SHROOM3: variants seen among roughly 807,000 people sequenced by gnomAD.
SHROOM3 encodes protein Shroom3.
Under a neutral mutation model 138.6 loss-of-function variants are expected in SHROOM3, and 47 were observed. The ratio of observed to expected loss-of-function variants is 0.34; its 90% confidence interval spans 0.27 to 0.43. The LOEUF (loss-of-function observed/expected upper bound fraction) is 0.43. SHROOM3 is among the 20% of genes least tolerant of loss of function. The pLI, the probability that SHROOM3 is intolerant of heterozygous loss-of-function variation, is 1.00. For missense variants in SHROOM3, 2,491 were observed against 2,596.5 expected (o/e 0.96, Z 0.88); for synonymous variants, 1,062 against 1,063.3 (o/e 1.00, Z 0.02).
intron 1 of SHROOM3, among the ~76,000 whole-genome samples, chr4:76,536,781 G>C (rs943797520): frequency 2.6e-5 from 4 of 152,104 alleles, no homozygotes; most frequent in African/African-American, 9.7e-5. Context: ...CTGATTTTCT[G>C]TGTATCTGAT....
At chr4:76,581,764 G>A (rs1469049090) in intron 2 of SHROOM3, among the ~76,000 whole-genome samples, 1 of 152,170 alleles carries the variant, frequency 6.6e-6, no homozygotes, top group Non-Finnish European at 1.5e-5. Context: ...TTCTATCTAG[G>A]CTCACTGCCC....
chr4:76,608,564 GCATAGCA>G, intron 2 of SHROOM3, among the ~76,000 whole-genome samples: 1 of 147,768 alleles, frequency 6.8e-6, no homozygotes, highest in Non-Finnish European at 1.5e-5. Context: ...GCATAGCATA[GCATAGCA>G]TAGCATAGCA....
At chr4:76,492,905 A>T (rs188477168) in intron 1 of SHROOM3, among the ~76,000 whole-genome samples, 7 of 152,170 alleles carry the variant, frequency 4.6e-5, no homozygotes, top group Non-Finnish European at 1.5e-5. Flanking sequence ...TGATCGTGGG[A>T]TTCTGGGTGG....
At chr4:76,475,784 AAC>A (rs1227040604) in intron 1 of SHROOM3, among the ~76,000 whole-genome samples, 1 of 152,242 alleles carries the variant, frequency 6.6e-6, no homozygotes, top group African/African-American at 2.4e-5. Flanking sequence ...CAATTTTCTC[AAC>A]ACAGTTCTTC....
At chr4:76,615,225 T>C (rs1734847469) in intron 2 of SHROOM3, among the ~76,000 whole-genome samples, 1 of 152,224 alleles carries the variant, frequency 6.6e-6, no homozygotes, top group Non-Finnish European at 1.5e-5. Context: ...CTTTGCTTAC[T>C]ACATATTGTC....
Position 76,626,046 on chromosome 4 carries a change from T to G in SHROOM3, c.323+70283T>G, listed in dbSNP as rs1273494290. On this transcript the variant is annotated intron_variant, in intron 2 of 10. Coordinates refer to ENST00000296043, the MANE Select transcript of SHROOM3 (RefSeq NM_020859.4). ...GGAGGGAAGAGAGCAGAGGGCAGAA[T>G]GTGCTCTGTGGTGTTTTATAACTCT... Among the ~76,000 whole-genome samples, 5 of 152,250 alleles carry G rather than the reference T, an allele frequency of 3.3e-5. 1 individual carries two copies. The highest frequency in any genetic ancestry group is 3.3e-4 in the Admixed American group (5 of 15,282).
chr4:76,756,405 TTC>T (rs11383066), intron 7 of SHROOM3, 42 bp from the exon 8 acceptor site: 485 of 1,479,882 alleles, frequency 3.3e-4, no homozygotes, highest in Non-Finnish European at 4.1e-4. Context: ...CACTCTCTCT[TTC>T]TCTCTCTCTC....
At chr4:76,451,077 G>T (rs1229099527) in intron 1 of SHROOM3, among the ~76,000 whole-genome samples, 1 of 151,980 alleles carries the variant, frequency 6.6e-6, no homozygotes, top group African/African-American at 2.4e-5. Flanking sequence ...AGCCTCCTGA[G>T]TAGCTGGGAT....
At chr4:76,726,130 C>T (rs755716486) in intron 3 of SHROOM3, among the ~76,000 whole-genome samples, 68 of 152,216 alleles carry the variant, frequency 4.5e-4, no homozygotes, top group Non-Finnish European at 5.7e-4. Context: ...CATCTACCCT[C>T]ATCACACTAA....
chr4:76,598,607 G>T lies in SHROOM3; in HGVS notation c.323+42844G>T, dbSNP rs577920968. Among the ~76,000 whole-genome samples, 3 of 152,340 alleles carry T rather than the reference G, an allele frequency of 2.0e-5. No individual in the cohort carries two copies. The South Asian group carries it at 6.2e-4, about 32-fold the overall frequency. ...GAGATGGGGTAGAGGTGGCCAGGAA[G>T]TGGGGAGCAGGGGCTAAAATTCAGC... On this transcript the variant is annotated intron_variant, in intron 2 of 10. Transcript: ENST00000296043.
At chr4:76,576,145 G>C (rs986608683) in intron 2 of SHROOM3, among the ~76,000 whole-genome samples, 1 of 152,096 alleles carries the variant, frequency 6.6e-6, no homozygotes, top group African/African-American at 2.4e-5. Context: ...TCCCACTATG[G>C]GGTATATACC....
chr4:76,527,105 A>C (rs1233320798), intron 1 of SHROOM3, among the ~76,000 whole-genome samples: 1 of 152,178 alleles, frequency 6.6e-6, no homozygotes, highest in East Asian at 1.9e-4. Context: ...TGAAGGAAGA[A>C]AGAAGGGGGC....
At chr4:76,459,412 T>C (rs535618684) in intron 1 of SHROOM3, among the ~76,000 whole-genome samples, 47 of 152,210 alleles carry the variant, frequency 3.1e-4, no homozygotes, top group Non-Finnish European at 5.3e-4. Context: ...CCTCTTGTCA[T>C]AGTCTGAAGA....
At chr4:76,704,402 A>G (rs1339654596) in intron 2 of SHROOM3, among the ~76,000 whole-genome samples, 1 of 152,258 alleles carries the variant, frequency 6.6e-6, no homozygotes, top group Non-Finnish European at 1.5e-5. Flanking sequence ...TAAGTGCAGT[A>G]AAGGGAAAGA....
intron 1 of SHROOM3, among the ~76,000 whole-genome samples, chr4:76,545,322 T>C (rs1733190763): frequency 6.6e-6 from 1 of 152,212 alleles, no homozygotes; most frequent in Admixed American, 6.5e-5. Context: ...GCTTGATGTT[T>C]ATCCTACCCT....
At chr4:76,543,278 G>A (rs995044561) in intron 1 of SHROOM3, among the ~76,000 whole-genome samples, 3 of 152,152 alleles carry the variant, frequency 2.0e-5, no homozygotes, top group Non-Finnish European at 4.4e-5. Flanking sequence ...TCACTGAACT[G>A]AGTCTTGAAA....
At chr4:76,613,016 C>G (rs1734795641) in intron 2 of SHROOM3, among the ~76,000 whole-genome samples, 1 of 152,156 alleles carries the variant, frequency 6.6e-6, no homozygotes, top group Non-Finnish European at 1.5e-5. Context: ...ATCAGTCTAT[C>G]CCAGCATCTT....
At chr4:76,457,759 G>A (rs1731058328) in intron 1 of SHROOM3, among the ~76,000 whole-genome samples, 1 of 151,254 alleles carries the variant, frequency 6.6e-6, no homozygotes, top group Admixed American at 6.6e-5. Flanking sequence ...CAAAGTGCTA[G>A]GATAACAGGC....
intron 1 of SHROOM3, among the ~76,000 whole-genome samples, chr4:76,499,700 G>A (rs531992869): frequency 6.6e-6 from 1 of 152,292 alleles, no homozygotes; most frequent in East Asian, 1.9e-4. Context: ...GTCTCTGGGT[G>A]CACAGAAGAG....
Sources: gnomAD v4.1 joint callset for allele counts (sites outside exome capture counted in the v4.1 genomes callset) on GRCh38, gnomAD v4.1.1 for gene constraint, MANE v1.5 for transcripts, NCBI Gene and HGNC (gene_info 2026-07-23, HGNC 2026-07-21) for gene names.